Variants in NELL1 observed in about 807,000 individuals in gnomAD.
NELL1 encodes neural EGFL like 1.
NELL1 carries 76 observed loss-of-function variants against 107.4 expected under a neutral mutation model. The observed-to-expected ratio is 0.71, with a 90% confidence interval of 0.59 to 0.86. NELL1 has a LOEUF of 0.86. NELL1 is among the 40% of genes least tolerant of loss of function. NELL1 has a pLI of 0.00. For missense variants in NELL1, 1,024 were observed against 1,005.5 expected, an observed-to-expected ratio of 1.02 and a Z score of -0.25; for synonymous variants, 353 against 341.2, an observed-to-expected ratio of 1.03 and a Z score of -0.38.
At chr11:21,055,710 C>T (rs766485490) in intron 12 of NELL1, among the ~76,000 whole-genome samples, 19 of 151,954 alleles carry the variant, frequency 1.3e-4, no homozygotes, top group Non-Finnish European at 2.1e-4. Flanking sequence ...TAAACATGGC[C>T]AAGGTGGGAG....
intron 12 of NELL1, among the ~76,000 whole-genome samples, chr11:20,991,114 A>G (rs548282807): frequency 6.6e-6 from 1 of 152,320 alleles, no homozygotes; most frequent in South Asian, 2.1e-4. Context: ...CCATGATCTG[A>G]TGAGAGCCTA....
At chr11:21,190,221 G>A (rs1028032244) in intron 13 of NELL1, among the ~76,000 whole-genome samples, 1 of 151,696 alleles carries the variant, frequency 6.6e-6, no homozygotes, top group African/African-American at 2.4e-5. Flanking sequence ...GCATGCTGGT[G>A]GATGCCTGTA....
chr11:21,298,192 C>CA (rs1849413080), intron 14 of NELL1, among the ~76,000 whole-genome samples: 2 of 151,906 alleles, frequency 1.3e-5, no homozygotes, highest in Admixed American at 1.3e-4. Context: ...TAACCTGATT[C>CA]AAAATCTCAC....
intron 13 of NELL1, among the ~76,000 whole-genome samples, chr11:21,180,924 A>T (rs760556216): frequency 2.0e-4 from 31 of 151,758 alleles, no homozygotes; most frequent in Non-Finnish European, 4.0e-4. Flanking sequence ...GTGAATCCTG[A>T]ATCCTATTTC....
chr11:20,669,664 A>G lies in NELL1; in HGVS notation c.-60A>G. On this transcript the variant is annotated 5_prime_UTR_variant, in exon 1 of 20. Transcript: ENST00000357134. The surrounding 1 kb of genome is among the most constrained non-coding windows in gnomAD (Gnocchi z 4.4). Reference sequence around the variant, plus strand: ...CCAAGCCAGGCGCGCCTCAGGATCCAGGCTCATTTGCTTCCACCTAGCTTC... The same window carrying G: ...CCAAGCCAGGCGCGCCTCAGGATCCGGGCTCATTTGCTTCCACCTAGCTTC... The G allele has an allele frequency of 6.9e-7, 1 of 1,452,076 alleles. No homozygotes were observed. The highest frequency in any genetic ancestry group is 9.7e-7 in the Non-Finnish European group (1 of 1,034,414). The allele number at this position is 1,452,076 out of a possible 1,614,324, so 89.9% of individuals were successfully genotyped here.
chr11:20,796,344 G>C (rs1465039586), intron 3 of NELL1, among the ~76,000 whole-genome samples: 1 of 152,132 alleles, frequency 6.6e-6, no homozygotes, highest in African/African-American at 2.4e-5. Context: ...ATTGATTGAA[G>C]AATATCAGAA....
At chr11:20,762,552 A>G (rs139583363) in intron 2 of NELL1, among the ~76,000 whole-genome samples, 2 of 152,212 alleles carry the variant, frequency 1.3e-5, no homozygotes, top group African/African-American at 4.8e-5. Flanking sequence ...AATTCATTTG[A>G]AAAAGTTGCA....
chr11:21,180,954 A>G (rs894265607), intron 13 of NELL1, among the ~76,000 whole-genome samples: 5 of 151,732 alleles, frequency 3.3e-5, no homozygotes, highest in Non-Finnish European at 7.4e-5. Flanking sequence ...CCATCTCACC[A>G]TTGATATACT....
At position 21,529,670 on chromosome 11, in the gene NELL1, G is replaced by A. The variant is rs928236031; in HGVS notation, c.1646-4704G>A. Among the ~76,000 whole-genome samples, 3 of 152,030 alleles carry A rather than the reference G, an allele frequency of 2.0e-5. No homozygotes were observed. In the South Asian group the frequency reaches 6.2e-4, roughly 31 times the overall value. On this transcript the variant is annotated intron_variant, in intron 15 of 19. Coordinates refer to ENST00000357134, the MANE Select transcript of NELL1 (RefSeq NM_006157.5). ...CAAAATCCAAATGATTATTTTTAAGGTTCCAGAAATAATCTCTTAGTCCTA... is the reference window on the plus strand; with the variant it reads ...CAAAATCCAAATGATTATTTTTAAGATTCCAGAAATAATCTCTTAGTCCTA...
intron 15 of NELL1, among the ~76,000 whole-genome samples, chr11:21,504,871 C>T (rs916229994): frequency 6.6e-6 from 1 of 152,098 alleles, no homozygotes; most frequent in African/African-American, 2.4e-5. Flanking sequence ...ATGGATATCA[C>T]CCTTGGTATC....
intron 9 of NELL1, 78 bp from the exon 10 acceptor site, chr11:20,937,708 A>G (rs927314823): frequency 3.9e-5 from 37 of 958,386 alleles, no homozygotes; most frequent in South Asian, 3.5e-4. Flanking sequence ...TGTGGAATCT[A>G]TTGGAGTTAG....
intron 12 of NELL1, among the ~76,000 whole-genome samples, chr11:20,997,209 A>G (rs773658069): frequency 6.6e-6 from 1 of 152,206 alleles, no homozygotes; most frequent in African/African-American, 2.4e-5. Flanking sequence ...TTCAATGACT[A>G]TTGAAAGGTG....
intron 13 of NELL1, among the ~76,000 whole-genome samples, chr11:21,120,549 G>A (rs1855343845): frequency 6.6e-6 from 1 of 152,012 alleles, no homozygotes; most frequent in Non-Finnish European, 1.5e-5. Context: ...GTTTACCGTA[G>A]GCTGTGTGGC....
chr11:21,288,181 G>A (rs1373833774), intron 14 of NELL1, among the ~76,000 whole-genome samples: 1 of 152,074 alleles, frequency 6.6e-6, no homozygotes, highest in African/African-American at 2.4e-5. Flanking sequence ...TACTCCTAAT[G>A]GCTTAGGAGT....
chr11:21,257,249 C>T (rs1348724030), intron 14 of NELL1, among the ~76,000 whole-genome samples: 1 of 151,972 alleles, frequency 6.6e-6, no homozygotes, highest in African/African-American at 2.4e-5. Flanking sequence ...AAGTGAGATG[C>T]CACACCACTA....
intron 15 of NELL1, among the ~76,000 whole-genome samples, chr11:21,408,101 ATGAGT>A (rs1332230659): frequency 6.6e-6 from 1 of 151,970 alleles, no homozygotes; most frequent in African/African-American, 2.4e-5. Flanking sequence ...GGAGAGCAGC[ATGAGT>A]TGATCATAGC....
chr11:20,939,755 A>G (rs1349787374), intron 10 of NELL1, among the ~76,000 whole-genome samples: 1 of 152,132 alleles, frequency 6.6e-6, no homozygotes, highest in Non-Finnish European at 1.5e-5. Flanking sequence ...TGCTCTCTTC[A>G]TTAGGTGATG....
chr11:21,449,372 A>G (rs962794783), intron 15 of NELL1, among the ~76,000 whole-genome samples: 1 of 152,148 alleles, frequency 6.6e-6, no homozygotes, highest in African/African-American at 2.4e-5. Context: ...AATATTATAA[A>G]GTTCCTTTGC....
At chr11:21,527,859 G>T (rs775837250) in intron 15 of NELL1, among the ~76,000 whole-genome samples, 1 of 152,142 alleles carries the variant, frequency 6.6e-6, no homozygotes, top group Non-Finnish European at 1.5e-5. Flanking sequence ...GTCCTTCCAC[G>T]TTCCTCTGCC....
Sources: gnomAD v4.1 joint callset for allele counts (sites outside exome capture counted in the v4.1 genomes callset) on GRCh38, gnomAD v4.1.1 for gene constraint, Gnocchi (gnomAD v3.1) non-coding constraint, MANE v1.5 for transcripts, NCBI Gene and HGNC (gene_info 2026-07-23, HGNC 2026-07-21) for gene names.